Variants in ST8SIA5 observed in about 807,000 individuals in gnomAD.
ST8SIA5 encodes ST8 alpha-N-acetyl-neuraminide alpha-2,8-sialyltransferase 5, also known as alpha-2,8-sialyltransferase 8E.
In ST8SIA5, 24 loss-of-function variants were observed where a neutral mutation model predicts 40.2. The observed-to-expected ratio is 0.60, with a 90% confidence interval of 0.43 to 0.84. The LOEUF (loss-of-function observed/expected upper bound fraction) is 0.84. ST8SIA5 is among the 40% of genes least tolerant of loss of function. ST8SIA5 has a pLI of 0.00. For missense variants in ST8SIA5, 465 were observed against 498.5 expected (o/e 0.93, Z 0.64); for synonymous variants, 198 against 201.8 (o/e 0.98, Z 0.16).
chr18:46,726,372 G>A (rs891969051), intron 1 of ST8SIA5, among the ~76,000 whole-genome samples: 2 of 151,944 alleles, frequency 1.3e-5, no homozygotes, highest in Non-Finnish European at 2.9e-5. Context: ...CCATAAAATT[G>A]AGATAATTAC....
chr18:46,715,635 A>G (rs2144518890), intron 1 of ST8SIA5, among the ~76,000 whole-genome samples: 1 of 151,760 alleles, frequency 6.6e-6, no homozygotes, highest in African/African-American at 2.4e-5. Flanking sequence ...CTCAGCTCAT[A>G]GTGGCATGAT....
chr18:46,692,056 C>G, intron 3 of ST8SIA5, 113 bp downstream of exon 3: 1 of 1,109,438 alleles, frequency 9.0e-7, no homozygotes. Flanking sequence ...TCAGGGTCTG[C>G]TCTGGGGAAG....
At chr18:46,735,892 C>T (rs2144552106) in intron 1 of ST8SIA5, among the ~76,000 whole-genome samples, 1 of 152,078 alleles carries the variant, frequency 6.6e-6, no homozygotes, top group East Asian at 1.9e-4. Flanking sequence ...GGATTACAGA[C>T]ATGAGCCACC....
At position 46,673,283 on chromosome 18, in the gene ST8SIA5, C is replaced by T. The variant is rs763701325; in HGVS notation, c.*6759G>A. The T allele has an allele frequency of 1.3e-5, 2 of 152,088 alleles. No homozygotes were observed. Among genetic ancestry groups the T allele is most frequent in the East Asian group, 3.9e-4 (2 of 5,186 alleles). The allele number at this position is 152,088 out of a possible 1,614,324, so 9.4% of individuals were successfully genotyped here. ...ATCTTTGTTTGTGTTAAAGCAAAAC[C>T]AATTTTGTAAATGTTAGATTCCCGA... On this transcript the variant is annotated 3_prime_UTR_variant, in exon 7 of 7. Transcript: ENST00000315087.
In ST8SIA5 at chr18:46,670,462, T is replaced by C. The variant is rs1246004468; in HGVS notation, c.*9580A>G. ...TAGTTTTGGTCTTTTTTAATTATTA[T>C]TTTGAGACAGGGTCTGGCTCTGTCA... On this transcript the variant is annotated 3_prime_UTR_variant, in exon 7 of 7. Transcript: ENST00000315087. 1 of 152,212 alleles carries C rather than the reference T, an allele frequency of 6.6e-6. No individual in the cohort carries two copies. The highest frequency in any genetic ancestry group is 1.5e-5 in the Non-Finnish European group (1 of 68,058). The allele number at this position is 152,212 out of a possible 1,614,324, so 9.4% of individuals were successfully genotyped here. A position where few individuals can be genotyped will look rare whatever the true frequency, so the allele number is the denominator to read the frequency against.
chr18:46,685,060 C>A (rs896304243), intron 5 of ST8SIA5, among the ~76,000 whole-genome samples: 1 of 152,160 alleles, frequency 6.6e-6, no homozygotes, highest in Non-Finnish European at 1.5e-5. Flanking sequence ...AAGAGCTATA[C>A]AATCATTATG....
intron 1 of ST8SIA5, among the ~76,000 whole-genome samples, chr18:46,717,611 G>A (rs1284680024): frequency 6.6e-6 from 1 of 152,066 alleles, no homozygotes; most frequent in African/African-American, 2.4e-5. Flanking sequence ...ACAAATGTCA[G>A]CCTGCCCTAC....
intron 4 of ST8SIA5, among the ~76,000 whole-genome samples, chr18:46,688,176 C>G (rs1568251563): frequency 6.6e-6 from 1 of 152,224 alleles, no homozygotes; most frequent in South Asian, 2.1e-4. Context: ...CAGCCCTGCA[C>G]AGCCTACCTC....
At position 46,680,456 on chromosome 18, in the gene ST8SIA5, G is replaced by T; in HGVS notation, c.717C>A (p.Tyr239Ter). 6.2e-7 allele frequency: 1 copy of T among 1,608,564 alleles called. No homozygotes were observed. The highest frequency in any genetic ancestry group is 2.2e-5 in the East Asian group (1 of 44,606). The change falls in exon 7 of 7, where the codon TAC becomes TAA. Residue 239 changes from tyrosine (Y) to a stop codon, truncating the protein, a stop_gained. Coordinates refer to ENST00000315087, the MANE Select transcript of ST8SIA5 (RefSeq NM_013305.6). LOFTEE classifies it high-confidence loss of function. ...RRPFYRVLQV[Y>*]ENASVLLPAF... ...CAGGCAGCAGCACCGACGCGTTCTC[G>T]TACACCTGCAGCACGCGATAGAACG...
Position 46,680,195 on chromosome 18 carries a change from C to T in ST8SIA5, c.978G>A (p.Met326Ile), listed in dbSNP as rs138190768. Reference sequence around the variant, plus strand: ...GAGTGATGTAGAGGCCCGAGGGGTTCATGGGGAAGGCCCAGAAGCCAAAGA... The same window carrying T: ...GAGTGATGTAGAGGCCCGAGGGGTTTATGGGGAAGGCCCAGAAGCCAAAGA... ...VHLFGFWAFP[M>I]NPSGLYITHH... Residue 326 changes from methionine to isoleucine, a missense_variant, in exon 7 of 7, where the codon ATG becomes ATA. Met to Ile is a conservative substitution (Grantham distance 10). Transcript: ENST00000315087. 7 of 1,614,072 alleles carry T rather than the reference C, an allele frequency of 4.3e-6. No homozygotes were observed. In the African/African-American group the frequency reaches 9.3e-5, roughly 22 times the overall value.
At chr18:46,734,812 G>A (rs79557315) in intron 1 of ST8SIA5, among the ~76,000 whole-genome samples, 10,251 of 152,226 alleles carry the variant, frequency 0.067, 671 homozygotes, top group East Asian at 0.32. Flanking sequence ...GTGTGTTTGA[G>A]CCTTCCCTGC....
intron 2 of ST8SIA5, among the ~76,000 whole-genome samples, chr18:46,701,879 G>A (rs2039620356): frequency 6.6e-6 from 1 of 152,130 alleles, no homozygotes; most frequent in Admixed American, 6.5e-5. Flanking sequence ...TGGGTGCGGT[G>A]GCTCACGCCT....
At chr18:46,711,065 GTTTA>G (rs1568263663) in intron 1 of ST8SIA5, among the ~76,000 whole-genome samples, 1 of 152,132 alleles carries the variant, frequency 6.6e-6, no homozygotes, top group Admixed American at 6.5e-5. Flanking sequence ...CCATGGAGTT[GTTTA>G]TTTATTCCAC....
At chr18:46,694,791 G>A (rs1022491737) in intron 2 of ST8SIA5, among the ~76,000 whole-genome samples, 1 of 151,948 alleles carries the variant, frequency 6.6e-6, no homozygotes, top group East Asian at 1.9e-4. Context: ...ATATCTTTGG[G>A]GAGAATCTGA....
rs1417939691 is a variant in ST8SIA5, at chr18:46,686,233, TC to T, written c.509del (p.Gly170GlufsTer4). On this transcript the variant is annotated frameshift_variant, in exon 5 of 7. Coordinates refer to ENST00000315087, the MANE Select transcript of ST8SIA5 (RefSeq NM_013305.6). LOFTEE classifies it high-confidence loss of function. ...QFKKCAVVGNGGILKNSRCGR... is the reference protein window; with the variant it reads ...QFKKCAVVGNXGILKNSRCGR... ...CGCAGCGGCTGTTCTTCAAGATGCC[TC>T]CGTTGCCCACTACAGCACACTTCTT... 6.2e-7 allele frequency: 1 copy of T among 1,614,040 alleles called. No individual in the cohort carries two copies.
At chr18:46,735,623 T>C (rs149964318) in intron 1 of ST8SIA5, among the ~76,000 whole-genome samples, 2 of 152,192 alleles carry the variant, frequency 1.3e-5, no homozygotes, top group East Asian at 3.9e-4. Flanking sequence ...TGGGGTGTTT[T>C]AGTTTTTGAG....
At chr18:46,715,210 T>C (rs1218887065) in intron 1 of ST8SIA5, among the ~76,000 whole-genome samples, 2 of 152,326 alleles carry the variant, frequency 1.3e-5, no homozygotes, top group East Asian at 3.9e-4. Context: ...GAAGAGAACA[T>C]TGACCCGGAA....
At chr18:46,745,278 C>G (rs980483204) in intron 1 of ST8SIA5, among the ~76,000 whole-genome samples, 3 of 151,996 alleles carry the variant, frequency 2.0e-5, no homozygotes, top group African/African-American at 7.2e-5. Flanking sequence ...AATCCAGGAG[C>G]TGGTTTTTTG....
chr18:46,720,968 A>C (rs2039855987), intron 1 of ST8SIA5, among the ~76,000 whole-genome samples: 1 of 152,102 alleles, frequency 6.6e-6, no homozygotes, highest in Admixed American at 6.5e-5. Context: ...TCAGAGAAGC[A>C]GGGAACACCC....
Sources: allele counts gnomAD v4.1 joint callset (sites outside exome capture counted in the v4.1 genomes callset), GRCh38; gene constraint gnomAD v4.1.1; transcripts MANE v1.5; gene names NCBI Gene and HGNC (gene_info 2026-07-23, HGNC 2026-07-21).